GPM6A: variants seen among roughly 807,000 people sequenced by gnomAD.
GPM6A encodes the protein glycoprotein M6A, also known as neuronal membrane glycoprotein M6-a.
In GPM6A, 7 loss-of-function variants were observed where a neutral mutation model predicts 32.1. The ratio of observed to expected loss-of-function variants is 0.22; its 90% CI spans 0.12 to 0.41. The LOEUF is 0.41. GPM6A is among the 10% of genes least tolerant of loss of function. The pLI, the probability that GPM6A is intolerant of heterozygous loss-of-function variation, is 1.00. For missense variants in GPM6A, 235 were observed against 347.2 expected (o/e 0.68, Z 2.57); for synonymous variants, 130 against 123.4 (o/e 1.05, Z -0.35).
intron 1 of GPM6A, among the ~76,000 whole-genome samples, chr4:175,794,898 G>A (rs945931391): frequency 1.3e-5 from 2 of 152,154 alleles, no homozygotes; most frequent in African/African-American, 4.8e-5. Context: ...ATAGGCAGTA[G>A]AAACAATGGA....
chr4:175,754,010 A>C (rs975362244), intron 1 of GPM6A, among the ~76,000 whole-genome samples: 2 of 152,150 alleles, frequency 1.3e-5, no homozygotes, highest in Non-Finnish European at 2.9e-5. Context: ...AATTACTCCA[A>C]CTAGAAAAAT....
intron 6 of GPM6A, among the ~76,000 whole-genome samples, chr4:175,637,017 TATATATAATACAAAA>T: frequency 1.1e-5 from 1 of 89,460 alleles, no homozygotes; most frequent in South Asian, 3.7e-4. Context: ...TATATAAAAA[TATATATAATACAAAA>T]ATATATAATA....
intron 2 of GPM6A, among the ~76,000 whole-genome samples, chr4:175,678,755 T>A (rs1444425161): frequency 6.6e-6 from 1 of 152,204 alleles, no homozygotes. Flanking sequence ...TCAAGAACAC[T>A]TTAAAGAGTG....
intron 2 of GPM6A, among the ~76,000 whole-genome samples, chr4:175,686,343 C>A (rs1743980147): frequency 6.6e-6 from 1 of 152,180 alleles, no homozygotes; most frequent in South Asian, 2.1e-4. Flanking sequence ...TCCCTGACAC[C>A]TATGAATATT....
At chr4:175,757,893 G>T (rs1227796226) in intron 1 of GPM6A, among the ~76,000 whole-genome samples, 1 of 152,188 alleles carries the variant, frequency 6.6e-6, no homozygotes, top group African/African-American at 2.4e-5. Flanking sequence ...TGTTTGAACA[G>T]ATTAGCCAAG....
Position 175,787,706 on chromosome 4 carries a change from C to G in GPM6A, c.37+24485G>C, listed in dbSNP as rs949105123. 3.9e-5 allele frequency: 27 copies of G among 695,836 alleles called. No individual in the cohort carries two copies. In the African/African-American group the frequency reaches 5.1e-4, roughly 13 times the overall value. The allele number at this position is 695,836 out of a possible 1,614,324, so 43.1% of individuals were successfully genotyped here. A position where few individuals can be genotyped will look rare whatever the true frequency, so the allele number is the denominator to read the frequency against. Reference sequence around the variant, plus strand: ...CATAATTTTCTTTGAAAAATCTGTTCCTTTTGCTCTCACTTCTGAAACAAG... The same window carrying G: ...CATAATTTTCTTTGAAAAATCTGTTGCTTTTGCTCTCACTTCTGAAACAAG... On this transcript the variant is annotated intron_variant, in intron 1 of 6. Transcript: ENST00000393658.
In GPM6A at chr4:175,858,523, C is replaced by T. The variant is rs550935310; in HGVS notation, c.-22-46274G>A. 1.1e-4 allele frequency among the ~76,000 whole-genome samples: 17 copies of T among 147,970 alleles called. No homozygotes were observed. The East Asian group carries it at 3.1e-3, about 27-fold the overall frequency. ...CTCCAGCCTGGGCGACAGAGAGAAA[C>T]TCTGTTTCAAAAAAAAAAAAAAGAA... On this transcript the variant is annotated intron_variant, in intron 1 of 7. Transcript: ENST00000280187.
At chr4:175,637,418 A>T (rs1740785070) in intron 6 of GPM6A, among the ~76,000 whole-genome samples, 1 of 87,038 alleles carries the variant, frequency 1.1e-5, no homozygotes, top group African/African-American at 4.5e-5. Context: ...ATATATAAAA[A>T]TGTATAATTA....
At chr4:175,917,794 A>G (rs1013691106) in intron 1 of GPM6A, among the ~76,000 whole-genome samples, 27 of 152,166 alleles carry the variant, frequency 1.8e-4, no homozygotes, top group African/African-American at 6.0e-4. Flanking sequence ...TCTCAACTTA[A>G]GGAGAAAAAA....
Position 175,796,973 on chromosome 4 carries a change from C to T in GPM6A, c.37+15218G>A, listed in dbSNP as rs1209599051. On this transcript the variant is annotated intron_variant, in intron 1 of 6. Transcript: ENST00000393658. Reference sequence around the variant, plus strand: ...TTGTTTTTTTTTCTGTGTGTTAATCCTATGCCATTCTTTGTTGTTTTTAGT... The same window carrying T: ...TTGTTTTTTTTTCTGTGTGTTAATCTTATGCCATTCTTTGTTGTTTTTAGT... 8.0e-5 allele frequency among the ~76,000 whole-genome samples: 11 copies of T among 137,526 alleles called. No homozygotes were observed. The Admixed American group carries it at 8.5e-4, about 11-fold the overall frequency. The allele number at this position is 137,526 out of a possible 152,430, so 90.2% of individuals were successfully genotyped here.
intron 1 of GPM6A, among the ~76,000 whole-genome samples, chr4:175,982,192 T>C (rs569029851): frequency 6.6e-6 from 1 of 152,276 alleles, no homozygotes; most frequent in South Asian, 2.1e-4. Context: ...CAGTATACGG[T>C]TTGTCATTTC....
At chr4:175,818,329 G>A (rs1400563766) in intron 1 of GPM6A, among the ~76,000 whole-genome samples, 2 of 152,186 alleles carry the variant, frequency 1.3e-5, no homozygotes, top group Non-Finnish European at 2.9e-5. Flanking sequence ...CAGCTGGAAA[G>A]TGTTATCCTC....
intron 1 of GPM6A, among the ~76,000 whole-genome samples, chr4:175,810,246 T>C (rs943692413): frequency 2.0e-5 from 3 of 152,248 alleles, no homozygotes; most frequent in South Asian, 2.1e-4. Context: ...AACAAACTTA[T>C]ATAGAAAAGG....
intron 1 of GPM6A, among the ~76,000 whole-genome samples, chr4:175,920,140 A>G (rs188091434): frequency 1.3e-5 from 2 of 152,378 alleles, no homozygotes; most frequent in East Asian, 3.9e-4. Context: ...GCTTGTGAAC[A>G]GAAGGGGAAA....
chr4:175,635,752 C>T lies in GPM6A; in HGVS notation c.685-695G>A, dbSNP rs774984853. On this transcript the variant is annotated intron_variant, in intron 6 of 6. Transcript: ENST00000393658. Reference sequence around the variant, plus strand: ...ACTTGAGTTTACCCAGCAATGAGACCGCTTATTTGTTTTTCTTTTCTTTCT... The same window carrying T: ...ACTTGAGTTTACCCAGCAATGAGACTGCTTATTTGTTTTTCTTTTCTTTCT... Among the ~76,000 whole-genome samples, 6 of 152,084 alleles carry T rather than the reference C, an allele frequency of 3.9e-5. No individual in the cohort carries two copies. The East Asian group carries it at 5.8e-4, about 15-fold the overall frequency.
chr4:175,768,025 A>T (rs956025807), intron 1 of GPM6A, among the ~76,000 whole-genome samples: 5 of 152,214 alleles, frequency 3.3e-5, no homozygotes, highest in Admixed American at 6.5e-5. Flanking sequence ...ATCAAAACAG[A>T]TAGTAGTTCA....
At chr4:175,886,333 T>C (rs1737454483) in intron 1 of GPM6A, among the ~76,000 whole-genome samples, 1 of 152,162 alleles carries the variant, frequency 6.6e-6, no homozygotes. Flanking sequence ...AGCAATGTAA[T>C]CCAACAGAAA....
At chr4:175,977,365 A>G (rs567118244) in intron 1 of GPM6A, among the ~76,000 whole-genome samples, 1 of 152,308 alleles carries the variant, frequency 6.6e-6, no homozygotes, top group African/African-American at 2.4e-5. Context: ...GCTGACAAAT[A>G]CTACAAAAAA....
chr4:175,831,331 C>T (rs906655047), intron 1 of GPM6A, among the ~76,000 whole-genome samples: 1 of 152,068 alleles, frequency 6.6e-6, no homozygotes, highest in Non-Finnish European at 1.5e-5. Context: ...CTGTGCTCTG[C>T]TTATTGTAAC....
Sources: gnomAD v4.1 joint callset for allele counts (sites outside exome capture counted in the v4.1 genomes callset) on GRCh38, gnomAD v4.1.1 for gene constraint, MANE v1.5 for transcripts, NCBI Gene and HGNC (gene_info 2026-07-23, HGNC 2026-07-21) for gene names.